Variants in PALM2AKAP2 observed in about 807,000 individuals in gnomAD.
PALM2AKAP2 encodes the protein PALM2-AKAP2 fusion protein.
In PALM2AKAP2, 37 loss-of-function variants were observed where a neutral mutation model predicts 71.5. That is an observed-to-expected ratio of 0.52 (90% confidence interval 0.40 to 0.68). The LOEUF is 0.68. Among genes scored for constraint, PALM2AKAP2 ranks in the 30% least tolerant of loss-of-function variants. The pLI is 0.00. For synonymous variants in PALM2AKAP2, 468 were observed against 478.8 expected (o/e 0.98, Z 0.29); for missense variants, 1,224 against 1,191.8 (o/e 1.03, Z -0.40).
At chr9:109,987,430 G>A (rs1230593264) in intron 6 of PALM2AKAP2, among the ~76,000 whole-genome samples, 1 of 151,994 alleles carries the variant, frequency 6.6e-6, no homozygotes, top group Non-Finnish European at 1.5e-5. Context: ...TGACCAGCCT[G>A]CTTTCCTTTT....
At chr9:109,749,242 C>T (rs558688713) in intron 1 of PALM2AKAP2, among the ~76,000 whole-genome samples, 3 of 152,186 alleles carry the variant, frequency 2.0e-5, no homozygotes, top group Admixed American at 1.3e-4. Flanking sequence ...TTCAGAAGTA[C>T]CCAGGTCTCT....
intron 1 of PALM2AKAP2, among the ~76,000 whole-genome samples, chr9:109,826,967 T>C (rs1828166744): frequency 6.6e-6 from 1 of 152,144 alleles, no homozygotes; most frequent in Non-Finnish European, 1.5e-5. Flanking sequence ...TATAAGTCCT[T>C]GGTTTAATAA....
At chr9:110,111,823 T>C (rs1835260976) in intron 1 of PALM2AKAP2, among the ~76,000 whole-genome samples, 1 of 152,230 alleles carries the variant, frequency 6.6e-6, no homozygotes, top group Non-Finnish European at 1.5e-5. Flanking sequence ...GTCAACGTTT[T>C]GGTTCCAGCT....
intron 1 of PALM2AKAP2, among the ~76,000 whole-genome samples, chr9:110,101,000 C>T (rs773295882): frequency 2.0e-5 from 3 of 152,112 alleles, no homozygotes; most frequent in Non-Finnish European, 4.4e-5. Flanking sequence ...AAGTGATGTT[C>T]AGATTTTTTC....
At chr9:109,770,686 A>C (rs1294801158) in intron 1 of PALM2AKAP2, among the ~76,000 whole-genome samples, 4 of 152,198 alleles carry the variant, frequency 2.6e-5, no homozygotes, top group Non-Finnish European at 4.4e-5. Flanking sequence ...TCTTGGGTAC[A>C]CTTGGGCACA....
chr9:110,105,569 C>T (rs1235332091), intron 1 of PALM2AKAP2, among the ~76,000 whole-genome samples: 2 of 152,162 alleles, frequency 1.3e-5, no homozygotes, highest in Non-Finnish European at 2.9e-5. Flanking sequence ...TCAATAAGGT[C>T]CATTTGGTGG....
chr9:109,952,040 T>C (rs1332983020), intron 6 of PALM2AKAP2, among the ~76,000 whole-genome samples: 2 of 152,250 alleles, frequency 1.3e-5, no homozygotes, highest in Non-Finnish European at 1.5e-5. Flanking sequence ...TGTTCACCTC[T>C]CTTTACCTGG....
At chr9:109,992,448 G>A (rs1457198177) in intron 6 of PALM2AKAP2, among the ~76,000 whole-genome samples, 1 of 152,118 alleles carries the variant, frequency 6.6e-6, no homozygotes, top group Non-Finnish European at 1.5e-5. Flanking sequence ...TTTTGAGACA[G>A]GGTCTACTTC....
chr9:109,922,476 C>CAAGGG (rs1012070756), intron 3 of PALM2AKAP2, among the ~76,000 whole-genome samples: 1 of 119,186 alleles, frequency 8.4e-6, no homozygotes, highest in African/African-American at 3.2e-5. Context: ...AGGAGGAAGG[C>CAAGGG]AAGGGAGGGG....
chr9:109,815,260 A>G (rs1207505754), intron 1 of PALM2AKAP2, among the ~76,000 whole-genome samples: 1 of 152,184 alleles, frequency 6.6e-6, no homozygotes, highest in African/African-American at 2.4e-5. Context: ...AGAGGGACAT[A>G]TTTTGGGGAA....
At chr9:109,931,938 T>A in exon 6 of PALM2AKAP2, 1 of 1,614,008 alleles carries the variant, frequency 6.2e-7, no homozygotes, top group Non-Finnish European at 8.5e-7. Context: ...TGCAGTAAAT[T>A]ACATTTCCTC....
At chr9:109,780,303 G>C, upstream of PALM2AKAP2, 2 of 1,326,716 alleles carry the variant, frequency 1.5e-6, no homozygotes, top group Non-Finnish European at 1.9e-6. Flanking sequence ...GGGGCCAGAG[G>C]CTGAGCCCGG....
chr9:109,894,034 A>AG (rs1830145079), intron 3 of PALM2AKAP2, among the ~76,000 whole-genome samples: 1 of 151,614 alleles, frequency 6.6e-6, no homozygotes. Context: ...TAAAAAAAAA[A>AG]AAAAAAAAAA....
At chr9:109,739,417 G>A (rs2118680725) in intron 1 of PALM2AKAP2, among the ~76,000 whole-genome samples, 1 of 152,306 alleles carries the variant, frequency 6.6e-6, no homozygotes, top group East Asian at 1.9e-4. Context: ...TAGATGTCAT[G>A]ACTGAAGGCT....
At chr9:109,960,702 G>A (rs1249878075) in intron 6 of PALM2AKAP2, among the ~76,000 whole-genome samples, 3 of 152,164 alleles carry the variant, frequency 2.0e-5, no homozygotes, top group Non-Finnish European at 2.9e-5. Context: ...GCCCTTGCCA[G>A]AAAAGGAAAT....
At chr9:109,933,652 C>A (rs1831159314) in intron 6 of PALM2AKAP2, among the ~76,000 whole-genome samples, 1 of 152,200 alleles carries the variant, frequency 6.6e-6, no homozygotes, top group Admixed American at 6.5e-5. Flanking sequence ...CTTTGAAGAT[C>A]CTGCAAAACA....
chr9:109,641,989 G>A (rs1827076208), intron 1 of PALM2AKAP2, among the ~76,000 whole-genome samples: 1 of 152,166 alleles, frequency 6.6e-6, no homozygotes, highest in African/African-American at 2.4e-5. Flanking sequence ...TGATACTGCT[G>A]TTATTGATTT....
At chr9:109,696,039 T>C (rs185311117) in intron 1 of PALM2AKAP2, among the ~76,000 whole-genome samples, 1 of 152,294 alleles carries the variant, frequency 6.6e-6, no homozygotes, top group African/African-American at 2.4e-5. Flanking sequence ...AATACAAAGA[T>C]CGGATAAATA....
At chr9:109,778,385 C>A (rs776424123), upstream of PALM2AKAP2, among the ~76,000 whole-genome samples, 7 of 152,166 alleles carry the variant, frequency 4.6e-5, no homozygotes, top group Non-Finnish European at 8.8e-5. Flanking sequence ...TCTGCTGAAG[C>A]AATAACAGCT....
Sources: allele counts gnomAD v4.1 joint callset (sites outside exome capture counted in the v4.1 genomes callset), GRCh38; gene constraint gnomAD v4.1.1; transcripts MANE v1.5; gene names NCBI Gene and HGNC (gene_info 2026-07-23, HGNC 2026-07-21).